The following FAM171B variants were observed in gnomAD, a reference collection of about 807,000 sequenced individuals.
FAM171B encodes family with sequence similarity 171 member B.
A neutral mutation model predicts 75.6 loss-of-function variants in FAM171B; 19 were observed. That is an observed-to-expected ratio of 0.25 (90% CI 0.18 to 0.37). FAM171B has a LOEUF of 0.37. FAM171B is among the 10% of genes least tolerant of loss of function. FAM171B has a pLI of 1.00. For missense variants in FAM171B, 848 were observed against 982.4 expected (o/e 0.86, Z 1.83); for synonymous variants, 367 against 361.7 (o/e 1.01, Z -0.17).
At chr2:186,759,811 A>G (rs1175234873) in intron 6 of FAM171B, among the ~76,000 whole-genome samples, 1 of 151,430 alleles carries the variant, frequency 6.6e-6, no homozygotes, top group Non-Finnish European at 1.5e-5. Context: ...ATGTTATCCC[A>G]TTTTTGCTTT....
In FAM171B at chr2:186,716,060, C is replaced by T. The variant is rs574797269; in HGVS notation, c.238+21649C>T. Among the ~76,000 whole-genome samples the T allele has an allele frequency of 5.3e-5, 8 of 152,242 alleles. No homozygotes were observed. The South Asian group carries it at 1.5e-3, about 28-fold the overall frequency. Reference sequence around the variant, plus strand: ...TTAAATTGTTTTTTAGAGATAGTCTCGATCTGTCTCTCAGGTTGGAGGGCT... The same window carrying T: ...TTAAATTGTTTTTTAGAGATAGTCTTGATCTGTCTCTCAGGTTGGAGGGCT... On this transcript the variant is annotated intron_variant, in intron 1 of 7. Transcript: ENST00000304698.
chr2:186,731,147 A>G (rs1423334911), intron 1 of FAM171B, among the ~76,000 whole-genome samples: 9 of 152,296 alleles, frequency 5.9e-5, no homozygotes, highest in East Asian at 1.9e-4. Flanking sequence ...ACAGGTATCA[A>G]TGTCTATAAA....
In FAM171B at chr2:186,718,388, T is replaced by G. The variant is rs111818583; in HGVS notation, c.239-21840T>G. Among the ~76,000 whole-genome samples the G allele has an allele frequency of 8.8e-3, 1,347 of 152,302 alleles. 25 individuals are homozygous for G. Among genetic ancestry groups the G allele is most frequent in the African/African-American group, 0.031 (1,280 of 41,560 alleles). ...ATGGCATTTATTTTTCTAAAACTTT[T>G]GTGCTTTTTCTCACGCTATTCCTTC... On this transcript the variant is annotated intron_variant, in intron 1 of 7. Transcript: ENST00000304698.
rs1404893443 is a variant in FAM171B at position 186,751,183 on chromosome 2, A to G, written c.774A>G (p.Ile258Met). The change falls in exon 5 of 8, where the codon ATA (isoleucine) becomes ATG (methionine). Residue 258 changes from isoleucine (I) to methionine (M), a missense_variant. Coordinates refer to ENST00000304698, the MANE Select transcript of FAM171B (RefSeq NM_177454.4). ...LTPLAAICVK[I>M]YSGGKELKVN... ...CTCTTGCTGCAATATGTGTGAAAAT[A>G]TATTCTGGAGGAAAAGAACTAAAGG... 1 of 1,610,992 alleles carries G rather than the reference A, an allele frequency of 6.2e-7. No individual in the cohort carries two copies. The highest frequency in any genetic ancestry group is 1.1e-5 in the South Asian group (1 of 90,676).
At chr2:186,754,625 G>A (rs376807351) in intron 6 of FAM171B, among the ~76,000 whole-genome samples, 4 of 152,194 alleles carry the variant, frequency 2.6e-5, no homozygotes, top group South Asian at 4.2e-4. Context: ...CCACTTTTGG[G>A]TCTCAAGCAC....
rs750801158 is a variant in FAM171B at position 186,751,265 on chromosome 2, G to A, written c.856G>A (p.Gly286Arg). The change falls in exon 5 of 8, where the codon GGG (glycine) becomes AGG (arginine). Residue 286 changes from glycine (G) to arginine (R), a missense_variant. Physicochemically the swap from Gly to Arg is moderately radical, Grantham distance 125. Around this residue, in one of 3 missense-constraint regions of FAM171B, gnomAD observed 665 missense variants for 729.0 expected, o/e 0.91. Transcript: ENST00000304698. ...TCTACGTCTGAATGATATAAGTGCA[G>A]GGGATCGCATACCTGCTTGGACATT... The part of the protein sequence containing the change: ...PLLRLNDISA[G>R]DRIPAWTFDM... 5 of 1,606,562 alleles carry A rather than the reference G, an allele frequency of 3.1e-6. No homozygotes were observed. In the African/African-American group the frequency reaches 6.7e-5, roughly 21 times the overall value.
Position 186,764,231 on chromosome 2 carries a change from A to G in FAM171B, c.*1408A>G, listed in dbSNP as rs1017868779. On this transcript the variant is annotated 3_prime_UTR_variant, in exon 8 of 8. Transcript: ENST00000304698. ...TTCATTCCCTCCTATTCAACATGGG[A>G]GCAGCATAGAGACCCAAACCATGTA... 3 of 151,972 alleles carry G rather than the reference A, an allele frequency of 2.0e-5. No individual in the cohort carries two copies. The highest frequency in any genetic ancestry group is 7.2e-5 in the African/African-American group (3 of 41,430). The allele number at this position is 151,972 out of a possible 1,614,324, so 9.4% of individuals were successfully genotyped here. A position where few individuals can be genotyped will look rare whatever the true frequency, so the allele number is the denominator to read the frequency against.
At chr2:186,696,887 A>G (rs1298896556) in intron 1 of FAM171B, among the ~76,000 whole-genome samples, 1 of 151,942 alleles carries the variant, frequency 6.6e-6, no homozygotes, top group African/African-American at 2.4e-5. Flanking sequence ...TTTTCCCTTG[A>G]TAGAACATAA....
intron 1 of FAM171B, among the ~76,000 whole-genome samples, chr2:186,713,053 A>AC (rs1338664714): frequency 6.6e-6 from 1 of 152,238 alleles, no homozygotes; most frequent in African/African-American, 2.4e-5. Context: ...AAACTGGGTG[A>AC]CCATCTAAAC....
At chr2:186,754,904 AC>A (rs1690509506) in intron 6 of FAM171B, among the ~76,000 whole-genome samples, 1 of 152,112 alleles carries the variant, frequency 6.6e-6, no homozygotes. Flanking sequence ...AAGATTGGAC[AC>A]CCCTGTACTA....
intron 1 of FAM171B, among the ~76,000 whole-genome samples, chr2:186,724,123 G>A (rs1034582540): frequency 2.1e-4 from 32 of 152,344 alleles, no homozygotes; most frequent in African/African-American, 7.2e-4. Context: ...AGCACAGCAA[G>A]TTTGGTTGCT....
chr2:186,726,571 A>G (rs189539356), intron 1 of FAM171B, among the ~76,000 whole-genome samples: 1 of 152,252 alleles, frequency 6.6e-6, no homozygotes, highest in East Asian at 1.9e-4. Context: ...CCAATTAAAT[A>G]GGGAAATCGT....
chr2:186,703,076 T>TAC (rs35043744), intron 1 of FAM171B, among the ~76,000 whole-genome samples: 2,697 of 145,390 alleles, frequency 0.019, 62 homozygotes, highest in African/African-American at 0.052. Flanking sequence ...TATATATATA[T>TAC]ACACACACAC....
chr2:186,729,570 C>T (rs555507125), intron 1 of FAM171B, among the ~76,000 whole-genome samples: 2 of 152,282 alleles, frequency 1.3e-5, no homozygotes, highest in South Asian at 4.1e-4. Context: ...TCATAAGCAG[C>T]TAATTCTTTA....
intron 1 of FAM171B, among the ~76,000 whole-genome samples, chr2:186,700,035 T>C (rs1268162240): frequency 6.6e-6 from 1 of 152,102 alleles, no homozygotes; most frequent in Non-Finnish European, 1.5e-5. Context: ...GGCTCTGCAG[T>C]ATAATGTCAA....
chr2:186,746,840 T>C (rs893102682), intron 3 of FAM171B, among the ~76,000 whole-genome samples: 1 of 152,180 alleles, frequency 6.6e-6, no homozygotes, highest in African/African-American at 2.4e-5. Flanking sequence ...AATGGTCAGT[T>C]TGGGGTTCCC....
At chr2:186,740,598 G>A (rs1690276336) in intron 2 of FAM171B, 137 bp downstream of exon 2, 2 of 707,882 alleles carry the variant, frequency 2.8e-6, no homozygotes, top group Admixed American at 6.0e-5. Context: ...ACAAGGGAGT[G>A]CTACTTTGAA....
chr2:186,739,977 T>C (rs954306008), intron 1 of FAM171B, among the ~76,000 whole-genome samples: 7 of 152,220 alleles, frequency 4.6e-5, no homozygotes. Flanking sequence ...AGTGCCATCA[T>C]AATCTTCTGG....
In FAM171B at chr2:186,750,685, AAGAAGTGC is replaced by A. The variant is rs1431756388; in HGVS notation, c.725-446_725-439del. Among the ~76,000 whole-genome samples the A allele has an allele frequency of 2.6e-5, 4 of 151,268 alleles. No homozygotes were observed. The East Asian group carries it at 7.7e-4, about 29-fold the overall frequency. On this transcript the variant is annotated intron_variant, in intron 4 of 7. Coordinates refer to ENST00000304698, the MANE Select transcript of FAM171B (RefSeq NM_177454.4). ...CTTTTAATCTGAATGCTTTTTATGT[AAGAAGTGC>A]AGCTAGATCTGTGGGTTCTAGCACT...
Sources: allele counts gnomAD v4.1 joint callset (sites outside exome capture counted in the v4.1 genomes callset), GRCh38; gene constraint gnomAD v4.1.1; regional missense constraint gnomAD v4.1.1; transcripts MANE v1.5; gene names NCBI Gene and HGNC (gene_info 2026-07-23, HGNC 2026-07-21).